IQCK: variants seen among roughly 807,000 people sequenced by gnomAD.
The protein encoded by IQCK is IQ domain-containing protein K.
Under a neutral mutation model 28.1 loss-of-function variants are expected in IQCK, and 29 were observed. That is an observed-to-expected ratio of 1.03 (90% CI 0.77 to 1.41). The LOEUF is 1.41. Ranked by LOEUF, IQCK falls within the 40% of genes most tolerant of loss-of-function variation. The pLI is 0.00. For synonymous variants in IQCK, 113 were observed against 115.1 expected (o/e 0.98, Z 0.12); for missense variants, 359 against 314.7 (o/e 1.14, Z -1.07).
chr16:19,765,008 G>A (rs1220363924), intron 6 of IQCK, among the ~76,000 whole-genome samples: 3 of 143,104 alleles, frequency 2.1e-5, no homozygotes, highest in Admixed American at 2.1e-4. Context: ...GGATCACGAG[G>A]TCAGGAGATC....
intron 7 of IQCK, among the ~76,000 whole-genome samples, chr16:19,807,935 G>A (rs1227368272): frequency 6.6e-6 from 1 of 152,092 alleles, no homozygotes; most frequent in African/African-American, 2.4e-5. Flanking sequence ...ATTTCCTGAT[G>A]ATGTTCCTTA....
At chr16:19,786,263 A>G (rs2055560157) in intron 6 of IQCK, among the ~76,000 whole-genome samples, 1 of 152,146 alleles carries the variant, frequency 6.6e-6, no homozygotes, top group African/African-American at 2.4e-5. Flanking sequence ...TGTGGAAAAC[A>G]GGGAGCCCGG....
intron 7 of IQCK, among the ~76,000 whole-genome samples, chr16:19,813,157 T>C (rs1179658885): frequency 1.3e-5 from 2 of 152,034 alleles, no homozygotes; most frequent in Non-Finnish European, 2.9e-5. Context: ...ATCTGGGAGA[T>C]AGAATGCAGT....
intron 9 of IQCK, among the ~76,000 whole-genome samples, chr16:19,839,018 C>CAA (rs71146274): frequency 1.4e-3 from 58 of 42,590 alleles, no homozygotes; most frequent in Admixed American, 2.1e-3. Flanking sequence ...GACTCCATAG[C>CAA]AAAAAAAAAA....
intron 4 of IQCK, among the ~76,000 whole-genome samples, chr16:19,742,331 T>A (rs2054849011): frequency 6.6e-6 from 1 of 152,226 alleles, no homozygotes; most frequent in African/African-American, 2.4e-5. Flanking sequence ...TAGGGTTTTT[T>A]AATTAAATCG....
At chr16:19,736,032 C>T (rs1289261701) in intron 4 of IQCK, 3 of 448,952 alleles carry the variant, frequency 6.7e-6, no homozygotes, top group Admixed American at 4.8e-5. Flanking sequence ...CGTCACTGCA[C>T]TCCAGCCTGG....
chr16:19,748,789 C>G (rs1228346492), intron 4 of IQCK, among the ~76,000 whole-genome samples: 3 of 151,982 alleles, frequency 2.0e-5, no homozygotes, highest in Admixed American at 2.0e-4. Context: ...TAGTAAAAAT[C>G]AAAACATAAC....
At chr16:19,732,318 A>G (rs926684612) in intron 2 of IQCK, among the ~76,000 whole-genome samples, 3 of 152,150 alleles carry the variant, frequency 2.0e-5, no homozygotes, top group Non-Finnish European at 4.4e-5. Context: ...CTACTGCTGT[A>G]CTTGTGGGTT....
At chr16:19,734,528 C>T (rs1977947136) in intron 3 of IQCK, among the ~76,000 whole-genome samples, 1 of 148,792 alleles carries the variant, frequency 6.7e-6, no homozygotes, top group Admixed American at 6.7e-5. Flanking sequence ...ACTTGGGAGG[C>T]TGAGGCAGGA....
chr16:19,769,128 G>C (rs998568836), intron 6 of IQCK, among the ~76,000 whole-genome samples: 2 of 152,192 alleles, frequency 1.3e-5, no homozygotes, highest in Non-Finnish European at 2.9e-5. Context: ...ATGGTGACTG[G>C]CCTCCTTCAG....
chr16:19,815,322 C>A (rs974131574), intron 7 of IQCK, among the ~76,000 whole-genome samples: 2 of 152,006 alleles, frequency 1.3e-5, no homozygotes, highest in African/African-American at 4.8e-5. Flanking sequence ...TTCCACAATA[C>A]CAGGGAATAG....
rs1225463663 is a variant in IQCK, at chr16:19,825,302, C to G, written c.691-1724C>G. 6.6e-6 allele frequency among the ~76,000 whole-genome samples: 1 copy of G among 152,040 alleles called. No individual in the cohort carries two copies. Among genetic ancestry groups the G allele is most frequent in the East Asian group, 1.9e-4 (1 of 5,170 alleles). On this transcript the variant is annotated intron_variant, in intron 7 of 7. Coordinates refer to ENST00000564186, the Ensembl canonical transcript of IQCK. This position sits in a 1 kb window ranked among gnomAD's most constrained non-coding sequence, Gnocchi z 4.2. ...TTGGGAGGCCAAGGCGGATGGTTCA[C>G]TTGAGGTCAGGAGTTCGAGACCAGC...
At chr16:19,750,470 GT>G (rs146214291) in intron 4 of IQCK, among the ~76,000 whole-genome samples, 1 of 141,236 alleles carries the variant, frequency 7.1e-6, no homozygotes, top group Non-Finnish European at 1.6e-5. Flanking sequence ...GTTTGTTTTT[GT>G]TTTTTTTTGA....
intron 4 of IQCK, among the ~76,000 whole-genome samples, chr16:19,757,661 C>T (rs1417722172): frequency 2.0e-5 from 3 of 152,172 alleles, no homozygotes; most frequent in Non-Finnish European, 4.4e-5. Context: ...CAGAGTGAGA[C>T]TCTGTCTCAA....
exon 10 of IQCK, chr16:19,857,383 T>C (rs1157753750): frequency 2.4e-6 from 1 of 419,088 alleles, no homozygotes; most frequent in Admixed American, 3.3e-5. Flanking sequence ...CCTTTTAAAT[T>C]TGTAATATTT....
rs571055875 is a variant in IQCK at position 19,857,291 on chromosome 16, G to A, written c.*743G>A. 96 of 348,678 alleles carry A rather than the reference G, an allele frequency of 2.8e-4. 1 individual carries two copies. Among genetic ancestry groups the A allele is most frequent in the East Asian group, 1.2e-3 (13 of 10,766 alleles). The allele number at this position is 348,678 out of a possible 1,614,324, so 21.6% of individuals were successfully genotyped here. A position where few individuals can be genotyped will look rare whatever the true frequency, so the allele number is the denominator to read the frequency against. Reference sequence around the variant, plus strand: ...GGGTTGTTTTGACAAGCTACCACACGTCTTAAGTAAATAGTAAAGCCTTTA... The same window carrying A: ...GGGTTGTTTTGACAAGCTACCACACATCTTAAGTAAATAGTAAAGCCTTTA... On this transcript the variant is annotated 3_prime_UTR_variant, in exon 10 of 10. Coordinates refer to the IQCK transcript ENST00000320394.
intron 6 of IQCK, among the ~76,000 whole-genome samples, chr16:19,775,226 CAAAA>C (rs1269665221): frequency 1.9e-4 from 16 of 82,406 alleles, no homozygotes; most frequent in African/African-American, 3.0e-4. Flanking sequence ...GACTCTGTAT[CAAAA>C]AAAAAAAAAA....
chr16:19,736,072 A>G, intron 4 of IQCK: 1 of 454,492 alleles, frequency 2.2e-6, no homozygotes, highest in South Asian at 1.6e-5. Flanking sequence ...CTCAAAAAAA[A>G]AATCCCACAG....
At chr16:19,737,254 A>G (rs1313807362) in intron 4 of IQCK, among the ~76,000 whole-genome samples, 2 of 152,180 alleles carry the variant, frequency 1.3e-5, no homozygotes, top group Admixed American at 1.3e-4. Context: ...AATTATCCAT[A>G]GTTAATGATA....
Sources: allele counts gnomAD v4.1 joint callset (sites outside exome capture counted in the v4.1 genomes callset), GRCh38; gene constraint gnomAD v4.1.1; non-coding constraint Gnocchi (gnomAD v3.1); transcripts MANE v1.5; gene names NCBI Gene and HGNC (gene_info 2026-07-23, HGNC 2026-07-21).